EDC4: variants seen among roughly 807,000 people sequenced by gnomAD.
The protein encoded by EDC4 is enhancer of mRNA decapping 4.
Under a neutral mutation model 155.8 loss-of-function variants are expected in EDC4, and 64 were observed. The observed-to-expected ratio is 0.41, with a 90% CI of 0.34 to 0.51. The LOEUF (loss-of-function observed/expected upper bound fraction) is 0.51, where lower values mean the gene tolerates loss of function less well. Ranked by LOEUF, EDC4 falls within the 20% of genes least tolerant of loss-of-function variation. The pLI, the probability that EDC4 is intolerant of heterozygous loss-of-function variation, is 0.19. For synonymous variants in EDC4, 684 were observed against 716.8 expected, an observed-to-expected ratio of 0.95 and a Z score of 0.73; for missense variants, 1,303 against 1,812.5, an observed-to-expected ratio of 0.72 and a Z score of 5.10.
rs1179144443 is a variant in EDC4, at chr16:67,879,014, T to A, written c.1345T>A (p.Ser449Thr). 1.2e-6 allele frequency: 2 copies of A among 1,612,360 alleles called. No individual in the cohort carries two copies. Among genetic ancestry groups the A allele is most frequent in the Admixed American group, 1.7e-5 (1 of 60,004 alleles). Residue 449 changes from serine to threonine, a missense_variant, in exon 12 of 29, where the codon TCC becomes ACC. Physicochemically the swap from Ser to Thr is moderately conservative, Grantham distance 58. Transcript: ENST00000358933. This position sits in a 1 kb window ranked among gnomAD's most constrained non-coding sequence, Gnocchi z 6.0. ...GGAGGAGGGCCACGCCTGCTTCAGC[T>A]CCATCTCGGAGTTCCTGCTCACCCA... ...NQEEGHACFS[S>T]ISEFLLTHPV...
Position 67,877,652 on chromosome 16 carries a change from A to G in EDC4, c.785A>G (p.Asp262Gly). 6.2e-7 allele frequency: 1 copy of G among 1,614,112 alleles called. No individual in the cohort carries two copies. The highest frequency in any genetic ancestry group is 8.5e-7 in the Non-Finnish European group (1 of 1,180,018). The change falls in exon 6 of 29, where the codon GAC becomes GGC. Residue 262 changes from aspartate to glycine, a missense_variant. This residue lies in a region of EDC4 where 235 missense variants were observed against 367.7 expected (regional missense o/e 0.64). Coordinates refer to ENST00000358933, the MANE Select transcript of EDC4 (RefSeq NM_014329.5). This position sits in a 1 kb window ranked among gnomAD's most constrained non-coding sequence, Gnocchi z 4.9. ...CCAACAGTGGCCCTGCTGCATGAAGACCGGGTGAGGGGGCTGACATGGCGA... is the reference window on the plus strand; with the variant it reads ...CCAACAGTGGCCCTGCTGCATGAAGGCCGGGTGAGGGGGCTGACATGGCGA... ...SSPTVALLHE[D>G]RAEVWDLDML...
rs750792878 is a variant in EDC4 at position 67,884,124 on chromosome 16, C to T, written c.4182C>T (p.Gly1394=). The change falls in exon 29 of 29, where the codon GGC becomes GGT. Residue 1394 remains glycine (G), a synonymous_variant. Coordinates refer to ENST00000358933, the MANE Select transcript of EDC4 (RefSeq NM_014329.5). This position sits in a 1 kb window ranked among gnomAD's most constrained non-coding sequence, Gnocchi z 4.1. ...AARRLSLMLH[G]LVTPSLP is the part of the protein sequence containing the mutation. ...GGCGTCTCAGCCTCATGCTGCATGGCCTCGTGACCCCCAGCCTCCCTTAGC... is the reference window on the plus strand; with the variant it reads ...GGCGTCTCAGCCTCATGCTGCATGGTCTCGTGACCCCCAGCCTCCCTTAGC... 19 of 1,611,550 alleles carry T rather than the reference C, an allele frequency of 1.2e-5. No individual in the cohort carries two copies. The highest frequency in any genetic ancestry group is 1.6e-5 in the Non-Finnish European group (19 of 1,178,408).
At position 67,873,268 on chromosome 16, in the gene EDC4, T is replaced by G; in HGVS notation, c.7T>G (p.Ser3Ala). 4.8e-6 allele frequency: 7 copies of G among 1,466,498 alleles called. No individual in the cohort carries two copies. Among genetic ancestry groups the G allele is most frequent in the Non-Finnish European group, 6.3e-6 (7 of 1,113,468 alleles). 90.8% of individuals were successfully genotyped at this position (1,466,498 alleles called of 1,614,324 possible). A position where few individuals can be genotyped will look rare whatever the true frequency, so the allele number is the denominator to read the frequency against. ...GGCGCCCGCCGCAGGGCCCATGGCC[T>G]CCTGCGCGAGCATCGACATCGAGGA... MA[S>A]CASIDIEDAT... The change falls in exon 1 of 29, where the codon TCC (serine) becomes GCC (alanine). Residue 3 changes from serine (S) to alanine (A), a missense_variant. Ser to Ala is a moderately conservative substitution (Grantham distance 99). Coordinates refer to ENST00000358933, the MANE Select transcript of EDC4 (RefSeq NM_014329.5).
In EDC4 at chr16:67,879,583, G is replaced by T; in HGVS notation, c.1634-4G>T. ...TCTAACTCAAGTGGCAACTTGCCCT[G>T]CAGCATTTGGAGAGTCTCGGCCCGA... On this transcript the variant is annotated splice_region_variant and splice_polypyrimidine_tract_variant and intron_variant, in intron 14 of 28. Coordinates refer to ENST00000358933, the MANE Select transcript of EDC4 (RefSeq NM_014329.5). This position sits in a 1 kb window ranked among gnomAD's most constrained non-coding sequence, Gnocchi z 6.0. 1.9e-6 allele frequency: 3 copies of T among 1,613,814 alleles called. No homozygotes were observed. The highest frequency in any genetic ancestry group is 2.5e-6 in the Non-Finnish European group (3 of 1,179,778).
At position 67,877,925 on chromosome 16, in the gene EDC4, C is replaced by G; in HGVS notation, c.894+80C>G. On this transcript the variant is annotated intron_variant, in intron 7 of 28. Coordinates refer to ENST00000358933, the MANE Select transcript of EDC4 (RefSeq NM_014329.5). This position sits in a 1 kb window ranked among gnomAD's most constrained non-coding sequence, Gnocchi z 4.9. The stretch of plus-strand genomic sequence containing the variant: ...TCTGTTCCCTATATCCACAGCTGCC[C>G]GGGCAGCTTTACTAGCATTCTGCCC... The G allele has an allele frequency of 1.3e-6, 2 of 1,572,712 alleles. No individual in the cohort carries two copies. The highest frequency in any genetic ancestry group is 2.3e-5 in the South Asian group (2 of 87,170).
In EDC4 at chr16:67,879,247, T is replaced by C. The variant is rs200857272; in HGVS notation, c.1479T>C (p.His493=). The change falls in exon 13 of 29, where the codon CAT becomes CAC. Residue 493 remains histidine, a synonymous_variant. Transcript: ENST00000358933. The surrounding 1 kb of genome is among the most constrained non-coding windows in gnomAD (Gnocchi z 6.0). ...ACACTGTCCTTTCAGATGGTACCCATGGAGCCGGTGCCATGGAGTCTGCGG... is the reference window on the plus strand; with the variant it reads ...ACACTGTCCTTTCAGATGGTACCCACGGAGCCGGTGCCATGGAGTCTGCGG... The part of the protein sequence containing the change: ...ENDSLGADGT[H]GAGAMESAAG... 1 of 1,614,166 alleles carries C rather than the reference T, an allele frequency of 6.2e-7. No individual in the cohort carries two copies. Among genetic ancestry groups the C allele is most frequent in the African/African-American group, 1.3e-5 (1 of 75,030 alleles).
intron 1 of EDC4, among the ~76,000 whole-genome samples, chr16:67,874,859 A>AT (rs1327842609): frequency 3.3e-5 from 5 of 152,068 alleles, no homozygotes; most frequent in African/African-American, 1.2e-4. Context: ...AGGTGGGTGG[A>AT]TTGCTTGAGG....
In EDC4 at chr16:67,879,539, G is replaced by A. The variant is rs755264211; in HGVS notation, c.1633+36G>A. ...CGTGAGAGGGAGGTAGGGTAAGTTG[G>A]ACTGACCAGGGTCTGAGATCTAACT... is the stretch of plus-strand genomic sequence containing the variant. On this transcript the variant is annotated intron_variant, in intron 14 of 28. Transcript: ENST00000358933. The surrounding 1 kb of genome is among the most constrained non-coding windows in gnomAD (Gnocchi z 6.0). 1.2e-6 allele frequency: 2 copies of A among 1,613,972 alleles called. No homozygotes were observed. The highest frequency in any genetic ancestry group is 3.3e-5 in the Admixed American group (2 of 60,002).
rs755131653 is a variant in EDC4 at position 67,882,448 on chromosome 16, C to T, written c.3296C>T (p.Ala1099Val). 6.2e-7 allele frequency: 1 copy of T among 1,613,828 alleles called. No individual in the cohort carries two copies. Among genetic ancestry groups the T allele is most frequent in the South Asian group, 1.1e-5 (1 of 91,078 alleles). ...CCCCAGAACTTGACTGATGCCATCG[C>T]CCGAGCAGCTGCAGACACATTACAA... ...LKSKNLTDAI[A>V]RAAADTLQGP... The change falls in exon 25 of 29, where the codon GCC (alanine) becomes GTC (valine). Residue 1099 changes from alanine (A) to valine (V), a missense_variant. Ala to Val is a moderately conservative substitution (Grantham distance 64). This residue lies in a region of EDC4 where 527 missense variants were observed against 757.0 expected (regional missense o/e 0.70). Coordinates refer to ENST00000358933, the MANE Select transcript of EDC4 (RefSeq NM_014329.5). The surrounding 1 kb of genome is among the most constrained non-coding windows in gnomAD (Gnocchi z 7.2).
rs1212874747 is a variant in EDC4, at chr16:67,877,599, G to A, written c.732G>A (p.Glu244=). The change falls in exon 6 of 29, where the codon GAG becomes GAA. Residue 244 remains glutamate, a synonymous_variant. Coordinates refer to ENST00000358933, the MANE Select transcript of EDC4 (RefSeq NM_014329.5). This position sits in a 1 kb window ranked among gnomAD's most constrained non-coding sequence, Gnocchi z 4.9. ...TCTGGTGCCCCTTCATCCCTGAGGA[G>A]AGCGAAGACTGCTGTGAGGAGAGCA... ...RIIWCPFIPE[E]SEDCCEESSP... 6.2e-7 allele frequency: 1 copy of A among 1,614,078 alleles called. No homozygotes were observed. Among genetic ancestry groups the A allele is most frequent in the Non-Finnish European group, 8.5e-7 (1 of 1,180,038 alleles).
rs1475939157 is a variant in EDC4, at chr16:67,882,062, G to A, written c.3113G>A (p.Arg1038Gln). 1 of 1,613,074 alleles carries A rather than the reference G, an allele frequency of 6.2e-7. No homozygotes were observed. Among genetic ancestry groups the A allele is most frequent in the Non-Finnish European group, 8.5e-7 (1 of 1,179,768 alleles). Residue 1038 changes from arginine to glutamine, a missense_variant, in exon 23 of 29, where the codon CGG (arginine) becomes CAG (glutamine). Transcript: ENST00000358933. This position sits in a 1 kb window ranked among gnomAD's most constrained non-coding sequence, Gnocchi z 7.2. Reference protein sequence around the residue: ...SQALSSAVAGRLERSIRDEIK... With the variant: ...SQALSSAVAGQLERSIRDEIK... ...GCACTGTCGTCAGCTGTAGCTGGGCGGCTAGAGCGCAGCATACGGGATGAG... is the reference window on the plus strand; with the variant it reads ...GCACTGTCGTCAGCTGTAGCTGGGCAGCTAGAGCGCAGCATACGGGATGAG...
chr16:67,878,941 C>T lies in EDC4; in HGVS notation c.1288-16C>T, dbSNP rs780891371. 2.4e-5 allele frequency: 38 copies of T among 1,609,740 alleles called. No homozygotes were observed. The highest frequency in any genetic ancestry group is 6.7e-5 in the Admixed American group (4 of 59,980). ...CTTAGCCTCTGAGCTCAGCTAGGAA[C>T]GTTCTGCCTGTGCAGGTCCTCTATG... On this transcript the variant is annotated splice_polypyrimidine_tract_variant and intron_variant, in intron 11 of 28. Transcript: ENST00000358933. The surrounding 1 kb of genome is among the most constrained non-coding windows in gnomAD (Gnocchi z 5.2).
At chr16:67,875,566 T>C (rs2058038103) in intron 1 of EDC4, 1 of 214,876 alleles carries the variant, frequency 4.7e-6, no homozygotes, top group Non-Finnish European at 8.0e-6. Flanking sequence ...GTAGCTTTGT[T>C]TTCACTCCAT....
Position 67,883,319 on chromosome 16 carries a change from T to TC in EDC4, c.3849+145dup, listed in dbSNP as rs1240761283. 3.3e-5 allele frequency: 45 copies of TC among 1,357,636 alleles called. No individual in the cohort carries two copies. Among genetic ancestry groups the TC allele is most frequent in the Non-Finnish European group, 4.1e-5 (42 of 1,016,696 alleles). The allele number at this position is 1,357,636 out of a possible 1,614,324, so 84.1% of individuals were successfully genotyped here. A position where few individuals can be genotyped will look rare whatever the true frequency, so the allele number is the denominator to read the frequency against. On this transcript the variant is annotated intron_variant, in intron 27 of 28. Transcript: ENST00000358933. This position sits in a 1 kb window ranked among gnomAD's most constrained non-coding sequence, Gnocchi z 5.3. ...GTTCCCTTTGGCCTCCAGGCCATTG[T>TC]CCCTGCTGCTTCCTCTTCCTGGACC...
Position 67,881,228 on chromosome 16 carries a change from G to A in EDC4, c.2637-37G>A. The stretch of plus-strand genomic sequence containing the variant: ...GCCCTCATGGGGGGATGGGCAGCAA[G>A]TGGGCAGGGGCTTACTCCTCCTTCC... On this transcript the variant is annotated intron_variant, in intron 19 of 28. Coordinates refer to ENST00000358933, the MANE Select transcript of EDC4 (RefSeq NM_014329.5). This position sits in a 1 kb window ranked among gnomAD's most constrained non-coding sequence, Gnocchi z 5.4. 6.2e-7 allele frequency: 1 copy of A among 1,614,062 alleles called. No individual in the cohort carries two copies. Among genetic ancestry groups the A allele is most frequent in the South Asian group, 1.1e-5 (1 of 91,088 alleles).
Position 67,881,710 on chromosome 16 carries a change from C to A in EDC4, c.2869C>A (p.Gln957Lys). ...GGACTGGCCAGCACTAATTTGGCAACAGCAGAGAGAGCTGGCAGAGCTGCG... is the reference window on the plus strand; with the variant it reads ...GGACTGGCCAGCACTAATTTGGCAAAAGCAGAGAGAGCTGGCAGAGCTGCG... ...PEDWPALIWQQQRELAELRHS... is the reference protein window; with the variant it reads ...PEDWPALIWQKQRELAELRHS... Residue 957 changes from glutamine (Q) to lysine (K), a missense_variant, in exon 22 of 29, where the codon CAG (glutamine) becomes AAG (lysine). Gln to Lys is a moderately conservative substitution (Grantham distance 53). Coordinates refer to ENST00000358933, the MANE Select transcript of EDC4 (RefSeq NM_014329.5). The surrounding 1 kb of genome is among the most constrained non-coding windows in gnomAD (Gnocchi z 5.4). 6.2e-7 allele frequency: 1 copy of A among 1,614,080 alleles called. No individual in the cohort carries two copies. Among genetic ancestry groups the A allele is most frequent in the South Asian group, 1.1e-5 (1 of 91,084 alleles).
chr16:67,880,650 G>C lies in EDC4; in HGVS notation c.2191G>C (p.Asp731His). The C allele has an allele frequency of 6.2e-7, 1 of 1,614,188 alleles. No homozygotes were observed. Among genetic ancestry groups the C allele is most frequent in the Non-Finnish European group, 8.5e-7 (1 of 1,180,028 alleles). The change falls in exon 18 of 29, where the codon GAT becomes CAT. Residue 731 changes from aspartate to histidine, a missense_variant. Asp to His is a moderately conservative substitution (Grantham distance 81, BLOSUM62 -1). Coordinates refer to ENST00000358933, the MANE Select transcript of EDC4 (RefSeq NM_014329.5). The surrounding 1 kb of genome is among the most constrained non-coding windows in gnomAD (Gnocchi z 5.2). ...CTCCCCTAGCCGCACTCGTTCCCCT[G>C]ATGTCATCTCCTCAGCTTCCACTGC... ...QASPSRTRSP[D>H]VISSASTALS...
chr16:67,876,202 G>C lies in EDC4; in HGVS notation c.239+101G>C, dbSNP rs757644553. 3 of 1,327,468 alleles carry C rather than the reference G, an allele frequency of 2.3e-6. No individual in the cohort carries two copies. The highest frequency in any genetic ancestry group is 3.2e-6 in the Non-Finnish European group (3 of 945,882). The allele number at this position is 1,327,468 out of a possible 1,614,324, so 82.2% of individuals were successfully genotyped here. ...GTGAGCGGGGCCAGCAGCCTCTGCT[G>C]CTTCCTCTCTAGATGACCTGGGGTG... On this transcript the variant is annotated intron_variant, in intron 2 of 28. Transcript: ENST00000358933. This position sits in a 1 kb window ranked among gnomAD's most constrained non-coding sequence, Gnocchi z 5.8.
chr16:67,882,580 T>G lies in EDC4; in HGVS notation c.3428T>G (p.Leu1143Arg). The change falls in exon 25 of 29, where the codon CTG becomes CGG. Residue 1143 changes from leucine to arginine, a missense_variant. Leu to Arg is a moderately radical substitution (Grantham distance 102). Coordinates refer to ENST00000358933, the MANE Select transcript of EDC4 (RefSeq NM_014329.5). This position sits in a 1 kb window ranked among gnomAD's most constrained non-coding sequence, Gnocchi z 7.2. ...CAGCAAATCAATGATAGCTTCCGGC[T>G]GGGGACACAGGAATGTGAGTGGGGT... Reference protein sequence around the residue: ...MFQQINDSFRLGTQEYLQQLE... With the variant: ...MFQQINDSFRRGTQEYLQQLE... 6.2e-7 allele frequency: 1 copy of G among 1,614,214 alleles called. No individual in the cohort carries two copies. Among genetic ancestry groups the G allele is most frequent in the Non-Finnish European group, 8.5e-7 (1 of 1,180,026 alleles).
Sources: allele counts gnomAD v4.1 joint callset (sites outside exome capture counted in the v4.1 genomes callset), GRCh38; gene constraint gnomAD v4.1.1; regional missense constraint gnomAD v4.1.1; non-coding constraint Gnocchi (gnomAD v3.1); transcripts MANE v1.5; gene names NCBI Gene and HGNC (gene_info 2026-07-23, HGNC 2026-07-21).